Variants in RFX2 observed in about 807,000 individuals in gnomAD.
RFX2 encodes DNA-binding protein RFX2.
A neutral mutation model predicts 87.8 loss-of-function variants in RFX2; 20 were observed. That is an observed-to-expected ratio of 0.23 (90% CI 0.16 to 0.33). The LOEUF (loss-of-function observed/expected upper bound fraction) is 0.33, where lower values mean the gene tolerates loss of function less well. Ranked by LOEUF, RFX2 falls within the 10% of genes least tolerant of loss-of-function variation. The pLI is 1.00. For missense variants in RFX2, 767 were observed against 1,012.3 expected, an observed-to-expected ratio of 0.76 and a Z score of 3.29; for synonymous variants, 397 against 431.3, an observed-to-expected ratio of 0.92 and a Z score of 0.98.
At position 6,045,668 on chromosome 19, in the gene RFX2, T is replaced by TG. The variant is rs149094569; in HGVS notation, c.91-1387_91-1386insC. 0.015 allele frequency among the ~76,000 whole-genome samples: 2,259 copies of TG among 151,994 alleles called. 55 individuals are homozygous for TG. Among genetic ancestry groups the TG allele is most frequent in the African/African-American group, 0.052 (2,129 of 41,334 alleles). On this transcript the variant is annotated intron_variant, in intron 2 of 17. Coordinates refer to ENST00000303657, the MANE Select transcript of RFX2 (RefSeq NM_000635.4). This position sits in a 1 kb window ranked among gnomAD's most constrained non-coding sequence, Gnocchi z 5.2. ...TTTTTGCGGAATTGTGTTTTTTTGTTTTTGTTTTTTTGTGTTTTTTGGGAC... is the reference window on the plus strand; with the variant it reads ...TTTTTGCGGAATTGTGTTTTTTTGTTGTTTGTTTTTTTGTGTTTTTTGGGAC...
intron 1 of RFX2, among the ~76,000 whole-genome samples, chr19:6,090,056 G>T (rs1325544790): frequency 6.6e-6 from 1 of 152,076 alleles, no homozygotes; most frequent in Non-Finnish European, 1.5e-5. Context: ...CAACGTCCCA[G>T]GCTCAAGAGG....
intron 13 of RFX2, among the ~76,000 whole-genome samples, chr19:6,003,082 C>T (rs906693419): frequency 2.1e-4 from 32 of 152,166 alleles, no homozygotes; most frequent in African/African-American, 6.0e-4. Context: ...TCACACACGT[C>T]GCTAACTGAG....
Position 6,046,561 on chromosome 19 carries a change from C to G in RFX2, c.90+846G>C, listed in dbSNP as rs373035966. ...GCGACAGAGCGAGACTCCGTCCCCC[C>G]CCAAAAAAAAAAAAAAATTCTAACT... On this transcript the variant is annotated intron_variant, in intron 2 of 17. Transcript: ENST00000303657. Among the ~76,000 whole-genome samples the G allele has an allele frequency of 3.4e-5, 5 of 148,354 alleles. No homozygotes were observed. In the East Asian group the frequency reaches 9.7e-4, roughly 29 times the overall value.
Position 6,016,375 on chromosome 19 carries a change from A to C in RFX2, c.598-104T>G. 1 of 711,130 alleles carries C rather than the reference A, an allele frequency of 1.4e-6. No individual in the cohort carries two copies. Among genetic ancestry groups the C allele is most frequent in the Non-Finnish European group, 2.2e-6 (1 of 454,094 alleles). The allele number at this position is 711,130 out of a possible 1,614,324, so 44.1% of individuals were successfully genotyped here. On this transcript the variant is annotated intron_variant, in intron 6 of 17. Transcript: ENST00000303657. This position sits in a 1 kb window ranked among gnomAD's most constrained non-coding sequence, Gnocchi z 5.4. ...TTACTTGCGTTCCCTGTGTTACCAA[A>C]TGGGATGAGGAAATCCATCTTTTCT...
intron 1 of RFX2, among the ~76,000 whole-genome samples, chr19:6,048,367 C>T (rs1208522706): frequency 3.3e-5 from 5 of 152,192 alleles, no homozygotes; most frequent in Admixed American, 6.5e-5. Context: ...CATTTAATAT[C>T]GTGGCAGATG....
chr19:6,048,707 T>C (rs58506788), intron 1 of RFX2, among the ~76,000 whole-genome samples: 3 of 152,136 alleles, frequency 2.0e-5, no homozygotes, highest in Non-Finnish European at 2.9e-5. Context: ...TTATCTCTTA[T>C]AATGAGTGAA....
In RFX2 at chr19:5,994,428, T is replaced by C. The variant is rs559292417; in HGVS notation, c.*407A>G. ...TTTCTAGTCGGGCTCTGCCAGGTTT[T>C]TTTAATTTTTAAAATCATGGTGAAA... On this transcript the variant is annotated 3_prime_UTR_variant, in exon 18 of 18. Transcript: ENST00000303657. 1 of 161,146 alleles carries C rather than the reference T, an allele frequency of 6.2e-6. No homozygotes were observed. The highest frequency in any genetic ancestry group is 1.4e-5 in the Non-Finnish European group (1 of 73,966). The allele number at this position is 161,146 out of a possible 1,614,324, so 10.0% of individuals were successfully genotyped here.
Position 6,047,431 on chromosome 19 carries a change from G to T in RFX2, c.66C>A (p.Ala22=). Reference sequence around the variant, plus strand: ...CCTGCGGGGAGGCTGGCACAGGCGGGGCTGCCGCCGAGGGACGCAGAGCCA... The same window carrying T: ...CCTGCGGGGAGGCTGGCACAGGCGGTGCTGCCGCCGAGGGACGCAGAGCCA... ...ASVALRPSAA[A]PPVPASPQRV... The change falls in exon 2 of 18, where the codon GCC becomes GCA. Residue 22 remains alanine (A), a synonymous_variant. Transcript: ENST00000303657. The surrounding 1 kb of genome is among the most constrained non-coding windows in gnomAD (Gnocchi z 4.2). 6.2e-7 allele frequency: 1 copy of T among 1,601,384 alleles called. No homozygotes were observed. The highest frequency in any genetic ancestry group is 8.5e-7 in the Non-Finnish European group (1 of 1,174,300).
chr19:6,058,935 C>T (rs545783681), intron 1 of RFX2, among the ~76,000 whole-genome samples: 4 of 152,184 alleles, frequency 2.6e-5, no homozygotes, highest in East Asian at 1.9e-4. Context: ...AAGCCAGGGA[C>T]CCCCGTCTTA....
chr19:5,995,010 G>T, intron 17 of RFX2, 60 bp from the exon 18 acceptor site: 2 of 1,351,476 alleles, frequency 1.5e-6, no homozygotes, highest in Non-Finnish European at 2.1e-6. Flanking sequence ...GGGAGAGAAG[G>T]AAGTGCACGT....
intron 1 of RFX2, among the ~76,000 whole-genome samples, chr19:6,088,493 G>C (rs1005966722): frequency 6.6e-6 from 1 of 151,150 alleles, no homozygotes; most frequent in African/African-American, 2.5e-5. Flanking sequence ...TTCCAGGCTT[G>C]AGTCACCATG....
chr19:6,011,297 C>G lies in RFX2; in HGVS notation c.900-1046G>C, dbSNP rs1257250661. On this transcript the variant is annotated intron_variant, in intron 8 of 17. Coordinates refer to ENST00000303657, the MANE Select transcript of RFX2 (RefSeq NM_000635.4). This position sits in a 1 kb window ranked among gnomAD's most constrained non-coding sequence, Gnocchi z 4.8. ...AGTGCTGAGAAACACTCAGCACTTT[C>G]CAGGCGCTGGACTCCTCAGGGCCCG... Among the ~76,000 whole-genome samples, 2 of 152,134 alleles carry G rather than the reference C, an allele frequency of 1.3e-5. No homozygotes were observed. The highest frequency in any genetic ancestry group is 2.9e-5 in the Non-Finnish European group (2 of 68,014).
chr19:6,030,126 C>T (rs1364907023), intron 5 of RFX2, among the ~76,000 whole-genome samples: 1 of 152,182 alleles, frequency 6.6e-6, no homozygotes, highest in Non-Finnish European at 1.5e-5. Context: ...TGAATCTATA[C>T]ACTCTAAACT....
rs371621729 is a variant in RFX2 at position 5,998,235 on chromosome 19, G to A, written c.1860-1022C>T. On this transcript the variant is annotated intron_variant, in intron 15 of 17. Coordinates refer to ENST00000303657, the MANE Select transcript of RFX2 (RefSeq NM_000635.4). The surrounding 1 kb of genome is among the most constrained non-coding windows in gnomAD (Gnocchi z 4.2). ...AGGCAGGAAAATTGCTTGAACCTGG[G>A]AGGCGGAGGCTGCAGTGAGCCGAGA... is the stretch of plus-strand genomic sequence containing the variant. 5.9e-5 allele frequency among the ~76,000 whole-genome samples: 9 copies of A among 152,298 alleles called. No individual in the cohort carries two copies. Among genetic ancestry groups the A allele is most frequent in the East Asian group, 3.9e-4 (2 of 5,178 alleles).
At chr19:6,067,270 CAG>C (rs2087527929) in intron 1 of RFX2, among the ~76,000 whole-genome samples, 1 of 152,158 alleles carries the variant, frequency 6.6e-6, no homozygotes, top group Non-Finnish European at 1.5e-5. Context: ...AGTGTGAAAA[CAG>C]AGGAGTTGAT....
chr19:6,061,730 G>GGAGGCCAGGCTTCAGGTTC lies in RFX2; in HGVS notation c.-8-14245_-8-14227dup. 6.6e-6 allele frequency among the ~76,000 whole-genome samples: 1 copy of GGAGGCCAGGCTTCAGGTTC among 152,356 alleles called. No individual in the cohort carries two copies. Among genetic ancestry groups the GGAGGCCAGGCTTCAGGTTC allele is most frequent in the East Asian group, 1.9e-4 (1 of 5,192 alleles). On this transcript the variant is annotated intron_variant, in intron 1 of 17. Transcript: ENST00000303657. This position sits in a 1 kb window ranked among gnomAD's most constrained non-coding sequence, Gnocchi z 5.2. ...GGTATGACCACCCGGAGCAGAGGGA[G>GGAGGCCAGGCTTCAGGTTC]GAGGCCAGGCTTCAGGTTCAAGTCC...
intron 13 of RFX2, among the ~76,000 whole-genome samples, chr19:6,003,343 G>A (rs2086520960): frequency 6.6e-6 from 1 of 152,148 alleles, no homozygotes; most frequent in Admixed American, 6.5e-5. Context: ...GGGATTACAG[G>A]TGTGAGCCAC....
intron 1 of RFX2, among the ~76,000 whole-genome samples, chr19:6,062,836 G>A (rs1016838045): frequency 5.9e-5 from 9 of 152,136 alleles, no homozygotes; most frequent in Admixed American, 2.0e-4. Flanking sequence ...TAGAATGATC[G>A]TTCCCTCTGT....
chr19:6,089,101 G>A (rs2087897194), intron 1 of RFX2, among the ~76,000 whole-genome samples: 1 of 152,222 alleles, frequency 6.6e-6, no homozygotes, highest in African/African-American at 2.4e-5. Context: ...GCAGTGAGTT[G>A]GATTTAGCCC....
Sources: gnomAD v4.1 joint callset for allele counts (sites outside exome capture counted in the v4.1 genomes callset) on GRCh38, gnomAD v4.1.1 for gene constraint, Gnocchi (gnomAD v3.1) non-coding constraint, MANE v1.5 for transcripts, NCBI Gene and HGNC (gene_info 2026-07-23, HGNC 2026-07-21) for gene names.